The following SYNPR variants were observed in gnomAD, a reference collection of about 807,000 sequenced individuals.
SYNPR encodes synaptoporin.
In SYNPR, 23 loss-of-function variants were observed where a neutral mutation model predicts 32.9. The ratio of observed to expected loss-of-function variants is 0.70; its 90% CI spans 0.50 to 0.99. The LOEUF is 0.99. SYNPR is among the 50% of genes least tolerant of loss of function. The probability of loss-of-function intolerance (pLI) is 0.00; values close to 1 mark genes in which losing one functional copy is unlikely to be tolerated. For missense variants in SYNPR, 318 were observed against 349.3 expected (o/e 0.91, Z 0.71); for synonymous variants, 146 against 135.9 (o/e 1.07, Z -0.52).
At chr3:63,479,589 T>A (rs913404965) in intron 2 of SYNPR, among the ~76,000 whole-genome samples, 1 of 152,178 alleles carries the variant, frequency 6.6e-6, no homozygotes, top group African/African-American at 2.4e-5. Flanking sequence ...TGAGGCTTTT[T>A]TTCTACCCTT....
At chr3:63,299,384 T>C (rs2086821018) in intron 2 of SYNPR, among the ~76,000 whole-genome samples, 1 of 152,152 alleles carries the variant, frequency 6.6e-6, no homozygotes, top group South Asian at 2.1e-4. Flanking sequence ...TACACAATTT[T>C]TGTTTTTTTG....
At chr3:63,438,779 G>T (rs1164049037) in intron 2 of SYNPR, among the ~76,000 whole-genome samples, 1 of 152,220 alleles carries the variant, frequency 6.6e-6, no homozygotes, top group Non-Finnish European at 1.5e-5. Context: ...TTCCATAAGT[G>T]AATTGGATGT....
At chr3:63,375,785 A>G (rs1311039558) in intron 2 of SYNPR, among the ~76,000 whole-genome samples, 1 of 152,152 alleles carries the variant, frequency 6.6e-6, no homozygotes, top group Non-Finnish European at 1.5e-5. Flanking sequence ...TACTGTCTAG[A>G]TGTCAGTGTG....
intron 4 of SYNPR, among the ~76,000 whole-genome samples, chr3:63,599,437 T>A (rs928609549): frequency 6.6e-6 from 1 of 151,972 alleles, no homozygotes. Context: ...TGTGTTTACA[T>A]ACACAAATAC....
chr3:63,223,778 T>G (rs1023161946), upstream of SYNPR, among the ~76,000 whole-genome samples: 3 of 152,300 alleles, frequency 2.0e-5, no homozygotes, highest in Admixed American at 2.0e-4. Context: ...TCTCACTATG[T>G]CATTTAACTT....
At chr3:63,574,638 T>C (rs1702947022) in intron 4 of SYNPR, among the ~76,000 whole-genome samples, 1 of 152,190 alleles carries the variant, frequency 6.6e-6, no homozygotes, top group Non-Finnish European at 1.5e-5. Flanking sequence ...TTCTGGTTTA[T>C]ACTTGTTGGT....
intron 2 of SYNPR, among the ~76,000 whole-genome samples, chr3:63,386,313 T>A (rs1047749352): frequency 1.3e-5 from 2 of 152,194 alleles, no homozygotes; most frequent in African/African-American, 4.8e-5. Flanking sequence ...CTTATTGTCT[T>A]ACTCCAAACA....
chr3:63,248,617 G>A (rs564248709), intron 1 of SYNPR, among the ~76,000 whole-genome samples: 4 of 152,082 alleles, frequency 2.6e-5, no homozygotes, highest in Admixed American at 2.0e-4. Context: ...GTTTATATGT[G>A]TGTTCTTTTA....
intron 3 of SYNPR, among the ~76,000 whole-genome samples, chr3:63,537,936 C>T (rs1244517174): frequency 1.3e-5 from 2 of 152,042 alleles, no homozygotes; most frequent in South Asian, 2.1e-4. Flanking sequence ...GGGACATCTA[C>T]CCCTGGTTGT....
chr3:63,216,930 C>G, the SYNPR span, among the ~76,000 whole-genome samples: 2 of 35,126 alleles, frequency 5.7e-5, 1 homozygote, highest in Non-Finnish European at 1.3e-4. Context: ...TTCTAACAGA[C>G]AGGACCCTCA....
intron 2 of SYNPR, among the ~76,000 whole-genome samples, chr3:63,386,084 A>G (rs190777957): frequency 3.9e-4 from 60 of 152,348 alleles, no homozygotes; most frequent in Admixed American, 3.2e-3. Context: ...TACTATGGTC[A>G]GTGCTAATTA....
intron 2 of SYNPR, among the ~76,000 whole-genome samples, chr3:63,258,770 C>T (rs1159685028): frequency 6.6e-6 from 1 of 152,050 alleles, no homozygotes; most frequent in South Asian, 2.1e-4. Flanking sequence ...TCAAAAAAAT[C>T]AATGAATCCA....
At chr3:63,357,909 G>A (rs1423696906) in intron 2 of SYNPR, among the ~76,000 whole-genome samples, 3 of 152,164 alleles carry the variant, frequency 2.0e-5, no homozygotes, top group African/African-American at 7.2e-5. Context: ...ATTTTTCCGG[G>A]AAGGAGTAGC....
upstream of SYNPR, among the ~76,000 whole-genome samples, chr3:63,275,930 C>T (rs1037796265): frequency 4.6e-5 from 7 of 152,042 alleles, no homozygotes; most frequent in African/African-American, 7.2e-5. Flanking sequence ...AATTTTGGTT[C>T]GGCTACTTTA....
At chr3:63,202,504 C>T in the SYNPR span, among the ~76,000 whole-genome samples, 1 of 152,214 alleles carries the variant, frequency 6.6e-6, no homozygotes, top group East Asian at 1.9e-4. Flanking sequence ...GGGCCGTGAA[C>T]ACAGGCAAGA....
chr3:63,244,862 A>C (rs1365477161), intron 1 of SYNPR, among the ~76,000 whole-genome samples: 3 of 152,088 alleles, frequency 2.0e-5, no homozygotes, highest in Non-Finnish European at 1.5e-5. Context: ...CAGACATAGA[A>C]AGCTCTTCTT....
chr3:63,282,354 C>T (rs1229839371), intron 2 of SYNPR, among the ~76,000 whole-genome samples: 1 of 152,076 alleles, frequency 6.6e-6, no homozygotes, highest in African/African-American at 2.4e-5. Flanking sequence ...AATGAACATA[C>T]TGGATCTAAA....
At chr3:63,602,214 T>A (rs574335982) in intron 4 of SYNPR, among the ~76,000 whole-genome samples, 2 of 152,172 alleles carry the variant, frequency 1.3e-5, no homozygotes, top group Non-Finnish European at 2.9e-5. Context: ...ATTGTTGATT[T>A]GTTTAAGTTC....
At chr3:63,480,089 T>C (rs573203329) in intron 2 of SYNPR, among the ~76,000 whole-genome samples, 112 of 152,340 alleles carry the variant, frequency 7.4e-4, no homozygotes, top group African/African-American at 2.6e-3. Context: ...CCATCCTGTC[T>C]TCCAAGTGTC....
Sources: gnomAD v4.1 joint callset for allele counts (sites outside exome capture counted in the v4.1 genomes callset) on GRCh38, gnomAD v4.1.1 for gene constraint, MANE v1.5 for transcripts, NCBI Gene and HGNC (gene_info 2026-07-23, HGNC 2026-07-21) for gene names.